Variants in PTCH2 observed in about 807,000 individuals in gnomAD.
PTCH2 encodes the protein protein patched homolog 2.
A neutral mutation model predicts 117.9 loss-of-function variants in PTCH2; 96 were observed. The ratio of observed to expected loss-of-function variants is 0.81; its 90% CI spans 0.69 to 0.96. The LOEUF (loss-of-function observed/expected upper bound fraction) is 0.96, where lower values mean the gene tolerates loss of function less well. Ranked by LOEUF, PTCH2 falls within the 50% of genes least tolerant of loss-of-function variation. The pLI is 0.00. For synonymous variants in PTCH2, 615 were observed against 660.9 expected, an observed-to-expected ratio of 0.93 and a Z score of 1.06; for missense variants, 1,379 against 1,562.5, an observed-to-expected ratio of 0.88 and a Z score of 1.98.
Position 44,823,023 on chromosome 1 carries a change from G to A in PTCH2, c.3357+46C>T, listed in dbSNP as rs539364464. 1.5e-5 allele frequency: 24 copies of A among 1,578,342 alleles called. No homozygotes were observed. The highest frequency in any genetic ancestry group is 1.4e-4 in the Admixed American group (8 of 55,444). ...CCCTTCCCTTGCCTCTCCCTACCCC[G>A]TCCCTTGGGCTGGGAGTAGAGGGAT... On this transcript the variant is annotated intron_variant, in intron 21 of 21. Transcript: ENST00000372192. The surrounding 1 kb of genome is among the most constrained non-coding windows in gnomAD (Gnocchi z 5.1).
rs570088711 is a variant in PTCH2, at chr1:44,822,093, G to T, written c.*322C>A. 3.6e-6 allele frequency: 5 copies of T among 1,375,396 alleles called. No homozygotes were observed. The African/African-American group carries it at 5.8e-5, about 16-fold the overall frequency. 85.2% of individuals were successfully genotyped at this position (1,375,396 alleles called of 1,614,324 possible). A position where few individuals can be genotyped will look rare whatever the true frequency, so the allele number is the denominator to read the frequency against. On this transcript the variant is annotated 3_prime_UTR_variant, in exon 22 of 22. Coordinates refer to ENST00000372192, the MANE Select transcript of PTCH2 (RefSeq NM_003738.5). The stretch of plus-strand genomic sequence containing the variant: ...AGAGCCTGCCCAGGAGTCACCAGAC[G>T]GAAGGGTGCTGGAGGGTCCCTCAGG...
chr1:44,825,671 C>G (rs1466852768), intron 19 of PTCH2, among the ~76,000 whole-genome samples: 2 of 152,022 alleles, frequency 1.3e-5, no homozygotes, highest in Admixed American at 1.3e-4. Context: ...GGATTACAGG[C>G]ATGAGCCACC....
At chr1:44,838,694 G>A (rs11573550) in intron 2 of PTCH2, among the ~76,000 whole-genome samples, 2,089 of 152,108 alleles carry the variant, frequency 0.014, 49 homozygotes, top group African/African-American at 0.048. Context: ...GCCAATGTTC[G>A]GTTTCTTCCT....
Position 44,828,188 on chromosome 1 carries a change from G to C in PTCH2, c.1713C>G (p.Pro571=), listed in dbSNP as rs1573646751. Residue 571 remains proline (P), a synonymous_variant, in exon 14 of 22, where the codon CCC becomes CCG. Coordinates refer to ENST00000372192, the MANE Select transcript of PTCH2 (RefSeq NM_003738.5). ...GGATCTGAATCACCTGAGCAGAGCA[G>C]GGACTGGAAGAGGTAGAGAGTGGAT... The part of the protein sequence containing the change: ...RLDVLCCFSS[P]CSAQVIQILP... The C allele has an allele frequency of 3.7e-6, 6 of 1,613,506 alleles. No homozygotes were observed. Among genetic ancestry groups the C allele is most frequent in the Non-Finnish European group, 5.1e-6 (6 of 1,179,970 alleles).
Position 44,836,718 on chromosome 1 carries a change from GAAAAAGA to G in PTCH2, c.266-4384_266-4378del, listed in dbSNP as rs1345764579. ...AGACTCTGTCTCGGGGGATGGAAAA[GAAAAAGA>G]AAAAAGGAAAAAAGATCAGCCTGGG... is the stretch of plus-strand genomic sequence containing the variant. On this transcript the variant is annotated intron_variant, in intron 2 of 21. Coordinates refer to ENST00000372192, the MANE Select transcript of PTCH2 (RefSeq NM_003738.5). Among the ~76,000 whole-genome samples the G allele has an allele frequency of 5.3e-5, 8 of 151,218 alleles. No individual in the cohort carries two copies. The South Asian group carries it at 1.3e-3, about 24-fold the overall frequency.
intron 2 of PTCH2, among the ~76,000 whole-genome samples, chr1:44,835,842 C>T (rs145315751): frequency 3.3e-5 from 5 of 152,214 alleles, no homozygotes; most frequent in East Asian, 1.9e-4. Flanking sequence ...TCAAAGACTC[C>T]GTGTTTCGGT....
rs1475454298 is a variant in PTCH2 at position 44,827,320 on chromosome 1, C to T, written c.2372-11G>A. ...AGGCAGCCTGGATTCCTGGGGGAGA[C>T]CAGGATAGGGTTCTATTAGCTGGTG... On this transcript the variant is annotated splice_polypyrimidine_tract_variant and intron_variant, in intron 15 of 21. Transcript: ENST00000372192. The T allele has an allele frequency of 1.2e-6, 2 of 1,613,776 alleles. No homozygotes were observed. Among genetic ancestry groups the T allele is most frequent in the Non-Finnish European group, 1.7e-6 (2 of 1,180,008 alleles).
chr1:44,832,704 C>CTCT (rs2148880638), intron 2 of PTCH2, among the ~76,000 whole-genome samples: 1 of 152,290 alleles, frequency 6.6e-6, no homozygotes, highest in Non-Finnish European at 1.5e-5. Context: ...AGGGAACCCT[C>CTCT]GCTCAGTCCC....
In PTCH2 at chr1:44,827,845, T is replaced by C; in HGVS notation, c.2056A>G (p.Lys686Glu). The C allele has an allele frequency of 2.5e-6, 4 of 1,614,068 alleles. No homozygotes were observed. The South Asian group carries it at 4.4e-5, about 18-fold the overall frequency. Residue 686 changes from lysine (K) to glutamate (E), a missense_variant and splice_region_variant, in exon 14 of 22, where the codon AAG becomes GAG. Lys to Glu is a moderately conservative substitution (Grantham distance 56). Transcript: ENST00000372192. ...FAPLLLQSHA[K>E]AIVLVLFGAL... ...TGCCCTGCTCTGCCCAGTCTTACCTTAGCATGTGACTGGAGCAGCAACGGG... is the reference window on the plus strand; with the variant it reads ...TGCCCTGCTCTGCCCAGTCTTACCTCAGCATGTGACTGGAGCAGCAACGGG...
intron 2 of PTCH2, among the ~76,000 whole-genome samples, chr1:44,840,214 T>C (rs1653884234): frequency 6.6e-6 from 1 of 151,084 alleles, no homozygotes; most frequent in South Asian, 2.1e-4. Context: ...GCAATTCTCC[T>C]GTCTCCGCTT....
downstream of PTCH2, chr1:44,821,806 G>A: frequency 7.4e-7 from 1 of 1,354,176 alleles, no homozygotes; most frequent in Non-Finnish European, 9.8e-7. Context: ...TCCAGAATCT[G>A]GGGTCTTTTC....
chr1:44,828,471 A>G (rs1032454939), intron 12 of PTCH2, 35 bp downstream of exon 12: 16 of 1,613,972 alleles, frequency 9.9e-6, no homozygotes, highest in Non-Finnish European at 1.4e-5. Context: ...TCAGCCCCAC[A>G]CCCACCCTGA....
intron 2 of PTCH2, among the ~76,000 whole-genome samples, chr1:44,832,834 C>T (rs1457491751): frequency 6.6e-6 from 1 of 152,118 alleles, no homozygotes; most frequent in African/African-American, 2.4e-5. Flanking sequence ...TCAGGTTGCT[C>T]TGGGCAGTGA....
intron 2 of PTCH2, among the ~76,000 whole-genome samples, chr1:44,835,853 A>G (rs1399052961): frequency 2.0e-5 from 3 of 152,230 alleles, no homozygotes; most frequent in Non-Finnish European, 2.9e-5. Flanking sequence ...GTGTTTCGGT[A>G]CTGCTAAGAG....
At chr1:44,841,681 G>A (rs1198550231) in intron 2 of PTCH2, among the ~76,000 whole-genome samples, 166 bp downstream of exon 2, 3 of 152,206 alleles carry the variant, frequency 2.0e-5, no homozygotes, top group Non-Finnish European at 4.4e-5. Context: ...ATTTATGGTT[G>A]TGGGAGGGAA....
chr1:44,820,840 G>A, downstream of PTCH2: 2 of 602,660 alleles, frequency 3.3e-6, no homozygotes, highest in South Asian at 4.1e-5. Context: ...CACCTAGAAG[G>A]CCCTTCTTGG....
chr1:44,829,642 A>G lies in PTCH2; in HGVS notation c.1055T>C (p.Leu352Pro), dbSNP rs981466872. 6.2e-7 allele frequency: 1 copy of G among 1,614,210 alleles called. No homozygotes were observed. Among genetic ancestry groups the G allele is most frequent in the Non-Finnish European group, 8.5e-7 (1 of 1,180,044 alleles). Residue 352 changes from leucine to proline, a missense_variant, in exon 8 of 22, where the codon CTA (leucine) becomes CCA (proline). Coordinates refer to ENST00000372192, the MANE Select transcript of PTCH2 (RefSeq NM_003738.5). Reference protein sequence around the residue: ...GWSEEQASTVLQAWQRRFVQL... With the variant: ...GWSEEQASTVPQAWQRRFVQL... The stretch of plus-strand genomic sequence containing the variant: ...CACAAAGCGCCGCTGCCAGGCTTGT[A>G]GCACTGTGCTGGCCTGCTCCTCACT...
rs1402332013 is a variant in PTCH2 at position 44,842,054 on chromosome 1, G to GCCTT, written c.73-16_73-15insAAGG. 1 of 1,601,454 alleles carries GCCTT rather than the reference G, an allele frequency of 6.2e-7. No homozygotes were observed. Among genetic ancestry groups the GCCTT allele is most frequent in the Non-Finnish European group, 8.6e-7 (1 of 1,169,500 alleles). ...CCAGCTAGGATCTGGGATGGAAAGAGAAGGGTCAGCCAGGCATCACTGCAA... is the reference window on the plus strand; with the variant it reads ...CCAGCTAGGATCTGGGATGGAAAGAGCCTTAAGGGTCAGCCAGGCATCACTGCAA... On this transcript the variant is annotated splice_polypyrimidine_tract_variant and intron_variant, in intron 1 of 21. Coordinates refer to ENST00000372192, the MANE Select transcript of PTCH2 (RefSeq NM_003738.5).
chr1:44,837,438 G>C (rs536443837), intron 2 of PTCH2, among the ~76,000 whole-genome samples: 202 of 152,144 alleles, frequency 1.3e-3, no homozygotes, highest in Non-Finnish European at 2.4e-3. Flanking sequence ...ATTTTTAGTA[G>C]AGACAAGGTT....
Sources: gnomAD v4.1 joint callset for allele counts (sites outside exome capture counted in the v4.1 genomes callset) on GRCh38, gnomAD v4.1.1 for gene constraint, Gnocchi (gnomAD v3.1) non-coding constraint, MANE v1.5 for transcripts, NCBI Gene and HGNC (gene_info 2026-07-23, HGNC 2026-07-21) for gene names.